The following ECT2L variants were observed in gnomAD, a reference collection of about 807,000 sequenced individuals.
ECT2L encodes epithelial cell transforming 2 like, also known as epithelial cell-transforming sequence 2 oncogene-like.
Under a neutral mutation model 122.8 loss-of-function variants are expected in ECT2L, and 126 were observed. That is an observed-to-expected ratio of 1.03 (90% CI 0.89 to 1.19). The LOEUF is 1.19. Among genes scored for constraint, ECT2L ranks in the 50% most tolerant of loss-of-function variants. The pLI, the probability that ECT2L is intolerant of heterozygous loss-of-function variation, is 0.00. For missense variants in ECT2L, 1,012 were observed against 1,064.1 expected (o/e 0.95, Z 0.68); for synonymous variants, 385 against 381.8 (o/e 1.01, Z -0.10).
intron 10 of ECT2L, among the ~76,000 whole-genome samples, chr6:138,854,550 T>C (rs1263336407): frequency 3.3e-5 from 5 of 152,158 alleles, no homozygotes; most frequent in Non-Finnish European, 7.3e-5. Flanking sequence ...GAACCTGAAC[T>C]TGAGTCCCGC....
Position 138,881,563 on chromosome 6 carries a change from A to G in ECT2L, c.1880+392A>G, listed in dbSNP as rs553762571. 3.3e-5 allele frequency among the ~76,000 whole-genome samples: 5 copies of G among 151,848 alleles called. No individual in the cohort carries two copies. In the Middle Eastern group the frequency reaches 0.01, roughly 312 times the overall value. ...CTTTATTTCTATTATATTATAATAT[A>G]TAATAAAATAATTATACAACTCACC... On this transcript the variant is annotated intron_variant, in intron 15 of 21. Transcript: ENST00000541398.
intron 4 of ECT2L, among the ~76,000 whole-genome samples, chr6:138,834,933 A>ACTCT (rs555275673): frequency 0.028 from 2,354 of 83,802 alleles, 20 homozygotes; most frequent in South Asian, 0.086. Flanking sequence ...ACACACACAC[A>ACTCT]CACTCTCATT....
intron 10 of ECT2L, among the ~76,000 whole-genome samples, chr6:138,860,448 T>C (rs1215030187): frequency 2.0e-5 from 3 of 152,204 alleles, no homozygotes; most frequent in South Asian, 4.1e-4. Flanking sequence ...CTATTGACTA[T>C]GTATGTGTAC....
At chr6:138,799,504 C>T (rs1315543455) in intron 1 of ECT2L, among the ~76,000 whole-genome samples, 1 of 152,170 alleles carries the variant, frequency 6.6e-6, no homozygotes, top group Non-Finnish European at 1.5e-5. Flanking sequence ...ATCCGCCCGC[C>T]TTGGCCTCCC....
At chr6:138,846,732 T>C (rs1777236933) in intron 8 of ECT2L, 55 bp downstream of exon 8, 13 of 1,410,812 alleles carry the variant, frequency 9.2e-6, no homozygotes, top group African/African-American at 1.5e-5. Context: ...TTTTTTGTTT[T>C]TTTTCATCTA....
chr6:138,854,359 C>T (rs745314693), intron 10 of ECT2L, among the ~76,000 whole-genome samples: 8 of 152,102 alleles, frequency 5.3e-5, no homozygotes, highest in African/African-American at 1.2e-4. Context: ...TACAGAAATA[C>T]GGTCCCTAAA....
intron 10 of ECT2L, among the ~76,000 whole-genome samples, chr6:138,860,545 G>T (rs2128398331): frequency 6.6e-6 from 1 of 152,132 alleles, no homozygotes; most frequent in South Asian, 2.1e-4. Context: ...CAAACTTTCA[G>T]CTGCTGTCAT....
In ECT2L at chr6:138,901,060, C is replaced by T; in HGVS notation, c.2527C>T (p.Gln843Ter). 1.2e-6 allele frequency: 2 copies of T among 1,614,164 alleles called. No individual in the cohort carries two copies. The highest frequency in any genetic ancestry group is 8.5e-7 in the Non-Finnish European group (1 of 1,180,026). ...PFERTSKTTYQFIASVALHRL... is the reference protein window; with the variant it reads ...PFERTSKTTY The stretch of plus-strand genomic sequence containing the variant: ...TGAGAGGACTTCAAAAACAACCTAC[C>T]AGTTCATTGCATCAGTGGCCCTTCA... The change falls in exon 21 of 22, where the codon CAG (glutamine) becomes TAG (stop). Residue 843 changes from glutamine to a stop codon, truncating the protein, a stop_gained. Coordinates refer to ENST00000541398, the MANE Select transcript of ECT2L (RefSeq NM_001077706.3). LOFTEE classifies it high-confidence loss of function.
chr6:138,883,098 T>C (rs767430581), intron 16 of ECT2L, among the ~76,000 whole-genome samples: 2 of 152,184 alleles, frequency 1.3e-5, no homozygotes, highest in Non-Finnish European at 2.9e-5. Context: ...CTCATCCTCA[T>C]GCAAATGGCC....
chr6:138,835,407 C>T (rs1050027343), intron 4 of ECT2L, among the ~76,000 whole-genome samples: 9 of 152,000 alleles, frequency 5.9e-5, no homozygotes, highest in South Asian at 2.1e-4. Context: ...AAAAATTAGC[C>T]GGGTATGGTG....
At chr6:138,833,076 T>C (rs1460305890) in intron 4 of ECT2L, among the ~76,000 whole-genome samples, 1 of 152,086 alleles carries the variant, frequency 6.6e-6, no homozygotes, top group Non-Finnish European at 1.5e-5. Flanking sequence ...ACATTGGATC[T>C]CATGAGAACT....
intron 5 of ECT2L, among the ~76,000 whole-genome samples, chr6:138,842,165 AAC>A (rs1777061480): frequency 6.6e-6 from 1 of 152,226 alleles, no homozygotes. Context: ...AGCATTTAAA[AAC>A]GTTATATCTG....
At chr6:138,815,484 C>T (rs1183846775) in intron 4 of ECT2L, among the ~76,000 whole-genome samples, 1 of 152,152 alleles carries the variant, frequency 6.6e-6, no homozygotes, top group Non-Finnish European at 1.5e-5. Flanking sequence ...GCCCTCAATG[C>T]CAGATAAAAA....
chr6:138,810,120 T>C (rs1226470064), intron 1 of ECT2L, among the ~76,000 whole-genome samples: 3 of 152,198 alleles, frequency 2.0e-5, no homozygotes, highest in Non-Finnish European at 2.9e-5. Context: ...GCCAAAGTAC[T>C]AGAAGAAATA....
At chr6:138,822,679 T>G in intron 4 of ECT2L, 1 of 1,400,132 alleles carries the variant, frequency 7.1e-7, no homozygotes, top group Non-Finnish European at 9.7e-7. Context: ...ACAGCTCCGG[T>G]CTACAGCTCC....
intron 4 of ECT2L, among the ~76,000 whole-genome samples, chr6:138,824,031 A>C (rs920501812): frequency 6.6e-6 from 1 of 150,474 alleles, no homozygotes; most frequent in African/African-American, 2.5e-5. Flanking sequence ...TGTAACAGGC[A>C]TAAGTGAATA....
intron 1 of ECT2L, among the ~76,000 whole-genome samples, chr6:138,805,836 T>C (rs779960423): frequency 5.3e-5 from 8 of 152,274 alleles, no homozygotes; most frequent in Non-Finnish European, 1.0e-4. Flanking sequence ...ACAACATCAT[T>C]GGTTAAAACA....
intron 21 of ECT2L, 98 bp downstream of exon 21, chr6:138,901,218 T>C: frequency 2.4e-6 from 3 of 1,270,562 alleles, no homozygotes; most frequent in Non-Finnish European, 2.2e-6. Context: ...GGAATTATAA[T>C]TTACCAGGTT....
intron 9 of ECT2L, among the ~76,000 whole-genome samples, chr6:138,850,100 G>A (rs1777381058): frequency 6.6e-6 from 1 of 151,626 alleles, no homozygotes; most frequent in African/African-American, 2.4e-5. Flanking sequence ...GAGTATTTTA[G>A]ATACTCTTAT....
Sources: allele counts gnomAD v4.1 joint callset (sites outside exome capture counted in the v4.1 genomes callset), GRCh38; gene constraint gnomAD v4.1.1; transcripts MANE v1.5; gene names NCBI Gene and HGNC (gene_info 2026-07-23, HGNC 2026-07-21).